DST: variants seen among roughly 807,000 people sequenced by gnomAD.
DST encodes bullous pemphigoid antigen.
A neutral mutation model predicts 875.2 loss-of-function variants in DST; 253 were observed. The ratio of observed to expected loss-of-function variants is 0.29; its 90% CI spans 0.26 to 0.32. The LOEUF is 0.32. Ranked by LOEUF, DST falls within the 10% of genes least tolerant of loss-of-function variation. The pLI, the probability that DST is intolerant of heterozygous loss-of-function variation, is 1.00. For synonymous variants in DST, 3,124 were observed against 3,197.1 expected (o/e 0.98, Z 0.77); for missense variants, 8,287 against 9,111.6 (o/e 0.91, Z 3.68).
At chr6:56,711,863 G>A (rs1201897591) in intron 5 of DST, among the ~76,000 whole-genome samples, 2 of 151,726 alleles carry the variant, frequency 1.3e-5, no homozygotes, top group South Asian at 2.1e-4. Flanking sequence ...AGGCCGAGGC[G>A]GGCGGATCAC....
At chr6:56,743,714 A>G (rs2099556560) in intron 4 of DST, among the ~76,000 whole-genome samples, 1 of 152,218 alleles carries the variant, frequency 6.6e-6, no homozygotes, top group Admixed American at 6.5e-5. Flanking sequence ...AGATGAAGAA[A>G]CTGAGGCACT....
At chr6:56,805,251 ACCTT>A (rs1253406579) in intron 4 of DST, among the ~76,000 whole-genome samples, 1 of 152,144 alleles carries the variant, frequency 6.6e-6, no homozygotes, top group African/African-American at 2.4e-5. Flanking sequence ...CAAATCAAAT[ACCTT>A]CCTTATGACT....
At chr6:56,908,735 T>TA (rs1797580256) in intron 2 of DST, among the ~76,000 whole-genome samples, 1 of 152,124 alleles carries the variant, frequency 6.6e-6, no homozygotes, top group Non-Finnish European at 1.5e-5. Context: ...ACCTTCCTGA[T>TA]AAAACAGGTT....
chr6:56,708,788 G>A (rs915643917), intron 5 of DST, among the ~76,000 whole-genome samples: 2 of 152,172 alleles, frequency 1.3e-5, no homozygotes, highest in African/African-American at 2.4e-5. Context: ...GATCGAGCAA[G>A]AAATTTAAGG....
rs1357040461 is a variant in DST, at chr6:56,603,632, G to A, written c.10873C>T (p.Pro3625Ser). The change falls in exon 41 of 104, where the codon CCC becomes TCC. Residue 3625 changes from proline to serine, a missense_variant. Around this residue, in one of 10 missense-constraint regions of DST, gnomAD observed 3,138 missense variants for 3,116.6 expected, o/e 1.01. Transcript: ENST00000680361. Reference protein sequence around the residue: ...YLTLLQDMKPPLDNQESLDNN... With the variant: ...YLTLLQDMKPSLDNQESLDNN... ...TCCAGAGATTCCTGGTTGTCTAAGGGGGGTTTCATATCTTGAAGCAATGTC... is the reference window on the plus strand; with the variant it reads ...TCCAGAGATTCCTGGTTGTCTAAGGAGGGTTTCATATCTTGAAGCAATGTC... The A allele has an allele frequency of 1.2e-5, 20 of 1,611,242 alleles. No homozygotes were observed. The highest frequency in any genetic ancestry group is 1.7e-5 in the Admixed American group (1 of 59,792).
rs552367804 is a variant in DST, at chr6:56,581,498, T to G, written c.12904-2561A>C. On this transcript the variant is annotated intron_variant, in intron 49 of 103. Transcript: ENST00000680361. ...AGTCCTTGAATTTAATGAGTAGCAG[T>G]CCCCGCGTATCTCTGAGTGAACAGA... is the stretch of plus-strand genomic sequence containing the variant. Among the ~76,000 whole-genome samples, 3 of 152,130 alleles carry G rather than the reference T, an allele frequency of 2.0e-5. No homozygotes were observed. In the South Asian group the frequency reaches 6.2e-4, roughly 32 times the overall value.
chr6:56,846,604 T>C (rs1030115423), intron 4 of DST, among the ~76,000 whole-genome samples: 2 of 152,230 alleles, frequency 1.3e-5, no homozygotes, highest in Non-Finnish European at 2.9e-5. Context: ...TTATATTTCA[T>C]TGTTTTATTC....
At chr6:56,934,985 T>C (rs1433554631) in intron 2 of DST, among the ~76,000 whole-genome samples, 1 of 152,176 alleles carries the variant, frequency 6.6e-6, no homozygotes, top group Non-Finnish European at 1.5e-5. Context: ...GTTAGCTTCA[T>C]GGATGATTCC....
At chr6:56,930,043 A>G (rs1809340941) in intron 2 of DST, among the ~76,000 whole-genome samples, 1 of 152,266 alleles carries the variant, frequency 6.6e-6, no homozygotes, top group Non-Finnish European at 1.5e-5. Flanking sequence ...AGTTGGGTTA[A>G]TAAGACCAAG....
In DST at chr6:56,606,588, A is replaced by G. The variant is rs1392351518; in HGVS notation, c.8040T>C (p.Ser2680=). The G allele has an allele frequency of 6.2e-7, 1 of 1,613,408 alleles. No homozygotes were observed. Among genetic ancestry groups the G allele is most frequent in the African/African-American group, 1.3e-5 (1 of 74,882 alleles). The change falls in exon 40 of 104, where the codon AGT becomes AGC. Residue 2680 remains serine (S), a synonymous_variant. Coordinates refer to ENST00000680361, the MANE Select transcript of DST (RefSeq NM_001374736.1). The part of the protein sequence containing the change: ...VPQGAPVGSL[S]VKNKAHCLQD... ...GAAGACAATGTGCTTTGTTCTTCAC[A>G]CTTAAGCTACCAACTGGTGCCCCCT...
intron 4 of DST, among the ~76,000 whole-genome samples, chr6:56,836,804 T>C (rs767037035): frequency 3.4e-5 from 5 of 146,930 alleles, no homozygotes; most frequent in Non-Finnish European, 7.5e-5. Flanking sequence ...TGAGCCAAGA[T>C]TGCGCCACTG....
At chr6:56,486,697 G>A (rs1214117435) in intron 87 of DST, among the ~76,000 whole-genome samples, 1 of 152,134 alleles carries the variant, frequency 6.6e-6, no homozygotes, top group Non-Finnish European at 1.5e-5. Context: ...AGAAGCCTGT[G>A]TTTCAATGCA....
chr6:56,798,535 T>C (rs546512484), intron 4 of DST, among the ~76,000 whole-genome samples: 2 of 152,332 alleles, frequency 1.3e-5, no homozygotes, highest in East Asian at 1.9e-4. Flanking sequence ...ATTGGCAATG[T>C]ACCTAGTCCA....
At chr6:56,752,638 T>C (rs1331657583) in intron 4 of DST, among the ~76,000 whole-genome samples, 1 of 152,210 alleles carries the variant, frequency 6.6e-6, no homozygotes, top group African/African-American at 2.4e-5. Flanking sequence ...TCCACACTAT[T>C]ACATGTACCA....
intron 2 of DST, among the ~76,000 whole-genome samples, chr6:56,934,574 ATATATATATATATATC>A (rs1449303348): frequency 1.4e-5 from 2 of 138,536 alleles, no homozygotes; most frequent in Non-Finnish European, 3.1e-5. Context: ...ATATATATAT[ATATATATATATATATC>A]GTGAGAGAGA....
intron 7 of DST, 139 bp from the exon 8 acceptor site, chr6:56,702,104 G>T (rs900688172): frequency 9.4e-6 from 5 of 531,868 alleles, no homozygotes; most frequent in South Asian, 3.3e-5. Flanking sequence ...TTCTAAGAAG[G>T]TTTCAATTTC....
chr6:56,820,289 A>C (rs1189547112), intron 4 of DST, among the ~76,000 whole-genome samples: 1 of 152,238 alleles, frequency 6.6e-6, no homozygotes, highest in Non-Finnish European at 1.5e-5. Context: ...GGCAGTGTAC[A>C]TGTTCTGTAA....
At chr6:56,783,682 T>C (rs2099699057) in intron 4 of DST, among the ~76,000 whole-genome samples, 1 of 152,142 alleles carries the variant, frequency 6.6e-6, no homozygotes, top group South Asian at 2.1e-4. Flanking sequence ...TGATCCAATT[T>C]GCCAGTCTGT....
At chr6:56,474,105 C>T in intron 92 of DST, 103 bp from the exon 93 acceptor site, 2 of 1,009,576 alleles carry the variant, frequency 2.0e-6, no homozygotes, top group Non-Finnish European at 1.4e-6. Context: ...GTTATTATTT[C>T]TGAAGAAGAA....
Sources: gnomAD v4.1 joint callset for allele counts (sites outside exome capture counted in the v4.1 genomes callset) on GRCh38, gnomAD v4.1.1 for gene constraint, gnomAD v4.1.1 regional missense constraint, MANE v1.5 for transcripts, NCBI Gene and HGNC (gene_info 2026-07-23, HGNC 2026-07-21) for gene names.